The following DSCAM variants were observed in gnomAD, a reference collection of about 807,000 sequenced individuals.
DSCAM encodes the protein DS cell adhesion molecule, also known as cell adhesion molecule DSCAM.
Under a neutral mutation model 217.7 loss-of-function variants are expected in DSCAM, and 47 were observed. The ratio of observed to expected loss-of-function variants is 0.22; its 90% CI spans 0.17 to 0.28. The LOEUF (loss-of-function observed/expected upper bound fraction) is 0.28. Ranked by LOEUF, DSCAM falls within the 10% of genes least tolerant of loss-of-function variation. The probability of loss-of-function intolerance (pLI) is 1.00; values close to 1 mark genes in which losing one functional copy is unlikely to be tolerated. For synonymous variants in DSCAM, 1,056 were observed against 1,015.3 expected (o/e 1.04, Z -0.76); for missense variants, 2,080 against 2,618.3 (o/e 0.79, Z 4.49).
chr21:40,080,032 T>G, intron 25 of DSCAM, 120 bp downstream of exon 25: 1 of 950,978 alleles, frequency 1.1e-6, no homozygotes, highest in Non-Finnish European at 1.6e-6. Context: ...TGAAGCCATG[T>G]GAGGAATGAC....
At chr21:40,516,322 G>C (rs1453492367) in intron 3 of DSCAM, among the ~76,000 whole-genome samples, 1 of 152,172 alleles carries the variant, frequency 6.6e-6, no homozygotes, top group Non-Finnish European at 1.5e-5. Context: ...GAACAAGTAA[G>C]AATGTATTTC....
intron 3 of DSCAM, among the ~76,000 whole-genome samples, chr21:40,665,656 G>A (rs2090191030): frequency 1.3e-5 from 2 of 152,134 alleles, no homozygotes; most frequent in Admixed American, 6.6e-5. Context: ...ATTACTTGAG[G>A]TCTTCCCCAA....
rs114572680 is a variant in DSCAM at position 40,688,413 on chromosome 21, T to C, written c.508+4397A>G. 4.0e-3 allele frequency among the ~76,000 whole-genome samples: 602 copies of C among 152,222 alleles called. 2 individuals are homozygous for C. Among genetic ancestry groups the C allele is most frequent in the African/African-American group, 0.012 (518 of 41,532 alleles). The stretch of plus-strand genomic sequence containing the variant: ...TGTTTTTTTCCAGGATGGTGTTTTA[T>C]GTATCTCCACATCAGCAGTACCTCC... On this transcript the variant is annotated intron_variant, in intron 3 of 32. Transcript: ENST00000400454.
At chr21:40,754,120 G>A (rs2091253357) in intron 1 of DSCAM, among the ~76,000 whole-genome samples, 1 of 152,194 alleles carries the variant, frequency 6.6e-6, no homozygotes, top group Admixed American at 6.5e-5. Flanking sequence ...AGACTCCGCT[G>A]TGGGGAGCAA....
At chr21:40,534,230 G>A (rs1385744832) in intron 3 of DSCAM, among the ~76,000 whole-genome samples, 2 of 152,132 alleles carry the variant, frequency 1.3e-5, no homozygotes, top group African/African-American at 4.8e-5. Flanking sequence ...ACCCCAGGTG[G>A]CAAAATCAAT....
chr21:40,187,796 A>G (rs972331566), intron 13 of DSCAM, 95 bp downstream of exon 13: 3 of 1,100,086 alleles, frequency 2.7e-6, no homozygotes, highest in Non-Finnish European at 4.2e-6. Flanking sequence ...GAAGTGTTAC[A>G]TGGCAAGTTG....
intron 3 of DSCAM, among the ~76,000 whole-genome samples, chr21:40,637,542 C>CATATATAAATATATACATATATAA (rs2089809855): frequency 1.0e-4 from 2 of 19,822 alleles, no homozygotes; most frequent in Non-Finnish European, 1.9e-4. Flanking sequence ...TACATATATA[C>CATATATAAATATATACATATATAA]ATATATATAA....
intron 1 of DSCAM, among the ~76,000 whole-genome samples, chr21:40,772,355 G>A (rs2091452906): frequency 6.6e-6 from 1 of 152,092 alleles, no homozygotes; most frequent in African/African-American, 2.4e-5. Context: ...TTTTAATAGA[G>A]ACGGGGTTTC....
intron 15 of DSCAM, among the ~76,000 whole-genome samples, chr21:40,174,565 C>T (rs1357572311): frequency 1.4e-5 from 2 of 146,896 alleles, no homozygotes; most frequent in African/African-American, 5.1e-5. Context: ...AAAAACTATG[C>T]TTAGTTCAAG....
At chr21:40,387,331 C>A (rs2075095956) in intron 3 of DSCAM, among the ~76,000 whole-genome samples, 1 of 150,602 alleles carries the variant, frequency 6.6e-6, no homozygotes, top group Admixed American at 6.6e-5. Flanking sequence ...GAGAAGTCTG[C>A]AGAAAAGTAC....
At chr21:40,358,903 C>T (rs553925705) in intron 4 of DSCAM, among the ~76,000 whole-genome samples, 1 of 151,062 alleles carries the variant, frequency 6.6e-6, no homozygotes, top group East Asian at 1.9e-4. Context: ...AACTCAAATC[C>T]AAAAAATATT....
chr21:40,149,498 C>A (rs1293254426), intron 16 of DSCAM, among the ~76,000 whole-genome samples: 1 of 148,314 alleles, frequency 6.7e-6, no homozygotes, highest in Non-Finnish European at 1.5e-5. Flanking sequence ...GCACTGTCAC[C>A]ACAACATCCA....
intron 3 of DSCAM, among the ~76,000 whole-genome samples, chr21:40,601,341 T>C (rs567457687): frequency 1.3e-5 from 2 of 152,358 alleles, no homozygotes; most frequent in East Asian, 1.9e-4. Flanking sequence ...TGGAAAGCAA[T>C]TGACTTTCAT....
chr21:40,063,786 CGTA>C (rs2089162917), intron 27 of DSCAM, among the ~76,000 whole-genome samples: 1 of 152,078 alleles, frequency 6.6e-6, no homozygotes, highest in African/African-American at 2.4e-5. Flanking sequence ...GACAATTAAA[CGTA>C]GTCAGTTTCT....
At chr21:40,590,327 C>T (rs1036069513) in intron 3 of DSCAM, among the ~76,000 whole-genome samples, 1 of 152,214 alleles carries the variant, frequency 6.6e-6, no homozygotes, top group African/African-American at 2.4e-5. Flanking sequence ...ACTTTCTTAA[C>T]CCATGCTTGG....
At chr21:40,044,603 T>G (rs1360169132) in intron 30 of DSCAM, among the ~76,000 whole-genome samples, 1 of 152,180 alleles carries the variant, frequency 6.6e-6, no homozygotes, top group African/African-American at 2.4e-5. Flanking sequence ...GAGGGGAGAC[T>G]GACAACAATT....
chr21:40,455,538 T>C (rs1410124981), intron 3 of DSCAM, among the ~76,000 whole-genome samples: 1 of 152,008 alleles, frequency 6.6e-6, no homozygotes, highest in African/African-American at 2.4e-5. Flanking sequence ...AGGATGAGGC[T>C]GGTGAATCAC....
At chr21:40,037,531 G>A (rs927801493) in intron 32 of DSCAM, among the ~76,000 whole-genome samples, 2 of 147,660 alleles carry the variant, frequency 1.4e-5, no homozygotes, top group Non-Finnish European at 3.0e-5. Context: ...ACAAACAAAT[G>A]GAAGAACATT....
At chr21:40,228,266 T>G (rs2142082) in intron 11 of DSCAM, among the ~76,000 whole-genome samples, 2 of 152,140 alleles carry the variant, frequency 1.3e-5, no homozygotes, top group African/African-American at 2.4e-5. Flanking sequence ...CATGTCGTCC[T>G]TTCTGGAAGG....
Sources: gnomAD v4.1 joint callset for allele counts (sites outside exome capture counted in the v4.1 genomes callset) on GRCh38, gnomAD v4.1.1 for gene constraint, MANE v1.5 for transcripts, NCBI Gene and HGNC (gene_info 2026-07-23, HGNC 2026-07-21) for gene names.